SLC43A2: variants seen among roughly 807,000 people sequenced by gnomAD.
SLC43A2 encodes large neutral amino acids transporter small subunit 4.
A neutral mutation model predicts 63.2 loss-of-function variants in SLC43A2; 38 were observed. That is an observed-to-expected ratio of 0.60 (90% CI 0.46 to 0.79). SLC43A2 has a LOEUF of 0.79. Ranked by LOEUF, SLC43A2 falls within the 30% of genes least tolerant of loss-of-function variation. The pLI is 0.00. For synonymous variants in SLC43A2, 322 were observed against 331.0 expected (o/e 0.97, Z 0.30); for missense variants, 644 against 756.2 (o/e 0.85, Z 1.74).
rs951481697 is a variant in SLC43A2 at position 1,578,001 on chromosome 17, GAACT to G, written c.1424+245_1424+248del. Among the ~76,000 whole-genome samples the G allele has an allele frequency of 2.0e-5, 3 of 152,228 alleles. No homozygotes were observed. Among genetic ancestry groups the G allele is most frequent in the African/African-American group, 7.2e-5 (3 of 41,474 alleles). ...CACAGGTGCCTGACCCTGGCTGGGGGAACTGACTTCGTGTTGAATGCCAAGGCTT... is the reference window on the plus strand; with the variant it reads ...CACAGGTGCCTGACCCTGGCTGGGGGGACTTCGTGTTGAATGCCAAGGCTT... On this transcript the variant is annotated intron_variant, in intron 12 of 13. Transcript: ENST00000301335. This position sits in a 1 kb window ranked among gnomAD's most constrained non-coding sequence, Gnocchi z 6.5.
intron 4 of SLC43A2, among the ~76,000 whole-genome samples, chr17:1,614,015 A>G (rs561111391): frequency 1.9e-3 from 289 of 152,154 alleles, no homozygotes; most frequent in Middle Eastern, 3.4e-3. Flanking sequence ...AGGCTGAGGC[A>G]GGTGGATCAC....
At chr17:1,580,031 A>G (rs574626561) in intron 11 of SLC43A2, among the ~76,000 whole-genome samples, 3 of 152,002 alleles carry the variant, frequency 2.0e-5, no homozygotes, top group South Asian at 4.2e-4. Flanking sequence ...GATTCAAGCA[A>G]TTCTCCTGCC....
intron 6 of SLC43A2, 40 bp from the exon 7 acceptor site, chr17:1,591,739 G>GGGGGGGGGGGGGGGGGGGGGGGGC: frequency 2.0e-6 from 1 of 512,310 alleles, no homozygotes; most frequent in Non-Finnish European, 3.9e-6. Flanking sequence ...GGGGGAGGGG[G>GGGGGGGGGGGGGGGGGGGGGGGGC]CAGAGTTAGC....
rs760679172 is a variant in SLC43A2 at position 1,627,895 on chromosome 17, C to G, written c.-21G>C. ...GCCATGGTGCGGCGCGGCGCGGCTC[C>G]GGCTCCGGCTCCGGCTCTGCACCAC... On this transcript the variant is annotated 5_prime_UTR_variant, in exon 2 of 14. Coordinates refer to ENST00000301335, the MANE Select transcript of SLC43A2 (RefSeq NM_152346.3). 3.3e-6 allele frequency: 5 copies of G among 1,532,370 alleles called. 1 individual carries two copies. In the South Asian group the frequency reaches 3.7e-5, roughly 11 times the overall value. The allele number at this position is 1,532,370 out of a possible 1,614,324, so 94.9% of individuals were successfully genotyped here. A position where few individuals can be genotyped will look rare whatever the true frequency, so the allele number is the denominator to read the frequency against.
rs1055204203 is a variant in SLC43A2 at position 1,574,977 on chromosome 17, C to T, written c.*627G>A. On this transcript the variant is annotated 3_prime_UTR_variant, in exon 14 of 14. Transcript: ENST00000301335. ...TCGGGGAGGAGGCGAGGGGTCCACC[C>T]AGCCCGCTAAACCCTCTCCAGGGCA... The T allele has an allele frequency of 1.3e-5, 2 of 154,932 alleles. No homozygotes were observed. Among genetic ancestry groups the T allele is most frequent in the African/African-American group, 4.8e-5 (2 of 41,484 alleles). The allele number at this position is 154,932 out of a possible 1,614,324, so 9.6% of individuals were successfully genotyped here. A position where few individuals can be genotyped will look rare whatever the true frequency, so the allele number is the denominator to read the frequency against.
At chr17:1,594,805 G>A (rs567417382) in intron 5 of SLC43A2, among the ~76,000 whole-genome samples, 32 of 151,586 alleles carry the variant, frequency 2.1e-4, no homozygotes, top group Middle Eastern at 3.4e-3. Context: ...AGCCAGGATG[G>A]TCTGGATCTC....
rs1302285107 is a variant in SLC43A2, at chr17:1,577,869, T to C, written c.1424+381A>G. The stretch of plus-strand genomic sequence containing the variant: ...TGCCCGTGATGAGGGCAACTGGAAC[T>C]TCCGCATTTAGCTTCAGGCAGCCAG... On this transcript the variant is annotated intron_variant, in intron 12 of 13. Transcript: ENST00000301335. The surrounding 1 kb of genome is among the most constrained non-coding windows in gnomAD (Gnocchi z 4.9). 6.6e-6 allele frequency among the ~76,000 whole-genome samples: 1 copy of C among 152,180 alleles called. No individual in the cohort carries two copies. Among genetic ancestry groups the C allele is most frequent in the Non-Finnish European group, 1.5e-5 (1 of 68,026 alleles).
chr17:1,585,944 A>C lies in SLC43A2; in HGVS notation c.1186T>G (p.Ser396Ala). The C allele has an allele frequency of 6.2e-7, 1 of 1,613,644 alleles. No homozygotes were observed. Among genetic ancestry groups the C allele is most frequent in the Non-Finnish European group, 8.5e-7 (1 of 1,180,022 alleles). ...GCGTCTTTCTCCTCGGGCTCCTCGG[A>C]GGCGTCTTCACACTCCTTCAGCCTC... The part of the protein sequence containing the change: ...DWRLKECEDA[S>A]EEPEEKDANQ... Residue 396 changes from serine to alanine, a missense_variant, in exon 10 of 14, where the codon TCC becomes GCC. Coordinates refer to ENST00000301335, the MANE Select transcript of SLC43A2 (RefSeq NM_152346.3).
At chr17:1,581,019 C>T (rs932325144) in intron 11 of SLC43A2, among the ~76,000 whole-genome samples, 31 of 152,100 alleles carry the variant, frequency 2.0e-4, no homozygotes, top group African/African-American at 3.4e-4. Flanking sequence ...TGGCGGACTC[C>T]GCCAACTCCG....
chr17:1,598,278 G>T (rs949263670), intron 5 of SLC43A2, among the ~76,000 whole-genome samples: 1 of 152,110 alleles, frequency 6.6e-6, no homozygotes, highest in African/African-American at 2.4e-5. Context: ...AAAATTAGCT[G>T]GGCGTGGTGG....
chr17:1,608,212 C>CA (rs142645297), intron 5 of SLC43A2, among the ~76,000 whole-genome samples: 26,081 of 151,972 alleles, frequency 0.17, 2,328 homozygotes, highest in South Asian at 0.24. Flanking sequence ...TGCTCTAGAT[C>CA]AAAAAATGAA....
At position 1,627,775 on chromosome 17, in the gene SLC43A2, C is replaced by T. The variant is rs1227347428; in HGVS notation, c.100G>A (p.Gly34Ser). ...GACTTGAGCATGATGAGCAGCGAGC[C>T]CCAGCCCAGGAGGACTGCCGAGAAG... ...LLFSAVLLGWGSLLIMLKSEG... is the reference protein window; with the variant it reads ...LLFSAVLLGWSSLLIMLKSEG... The change falls in exon 2 of 14, where the codon GGC (glycine) becomes AGC (serine). Residue 34 changes from glycine (G) to serine (S), a missense_variant. Physicochemically the swap from Gly to Ser is moderately conservative, Grantham distance 56 (BLOSUM62 0). This residue lies in a region of SLC43A2 where 528 missense variants were observed against 623.6 expected (regional missense o/e 0.85). Transcript: ENST00000301335. 6 of 1,598,946 alleles carry T rather than the reference C, an allele frequency of 3.8e-6. No individual in the cohort carries two copies. The highest frequency in any genetic ancestry group is 2.3e-5 in the South Asian group (2 of 88,578).
intron 5 of SLC43A2, among the ~76,000 whole-genome samples, chr17:1,611,578 T>A (rs1907111390): frequency 1.4e-5 from 2 of 147,678 alleles, no homozygotes; most frequent in African/African-American, 5.0e-5. Flanking sequence ...GAGGTTGCAG[T>A]GAGCCAAGAT....
chr17:1,585,352 G>A lies in SLC43A2; in HGVS notation c.1217+561C>T, dbSNP rs144777891. 545 of 554,594 alleles carry A rather than the reference G, an allele frequency of 9.8e-4. 3 individuals carry two copies. The African/African-American group carries it at 0.01, about 10-fold the overall frequency. 34.4% of individuals were successfully genotyped at this position (554,594 alleles called of 1,614,324 possible). A position where few individuals can be genotyped will look rare whatever the true frequency, so the allele number is the denominator to read the frequency against. On this transcript the variant is annotated intron_variant, in intron 10 of 13. Coordinates refer to ENST00000301335, the MANE Select transcript of SLC43A2 (RefSeq NM_152346.3). ...CACCTCCCGGGTTCAAGCAATTCTC[G>A]CGCCTCAGCCTCCTGAGTAGCTGGG...
In SLC43A2 at chr17:1,583,457, G is replaced by C. The variant is rs560860689; in HGVS notation, c.1218-121C>G. On this transcript the variant is annotated intron_variant, in intron 10 of 13. Coordinates refer to ENST00000301335, the MANE Select transcript of SLC43A2 (RefSeq NM_152346.3). This position sits in a 1 kb window ranked among gnomAD's most constrained non-coding sequence, Gnocchi z 5.5. ...TGACGCAAGACTCAGAAGCCACCCA[G>C]GCACGTTTTAGGGACTGTGTCGGGG... The C allele has an allele frequency of 6.6e-7, 1 of 1,517,574 alleles. No homozygotes were observed. Among genetic ancestry groups the C allele is most frequent in the Non-Finnish European group, 8.8e-7 (1 of 1,132,432 alleles). 94.0% of individuals were successfully genotyped at this position (1,517,574 alleles called of 1,614,324 possible).
intron 5 of SLC43A2, chr17:1,604,685 A>G: frequency 1.3e-6 from 2 of 1,522,232 alleles, no homozygotes; most frequent in Non-Finnish European, 1.8e-6. Flanking sequence ...CCAACTAGAG[A>G]TGGCTTACAT....
intron 5 of SLC43A2, among the ~76,000 whole-genome samples, chr17:1,599,616 G>T (rs769166905): frequency 6.6e-6 from 1 of 151,436 alleles, no homozygotes; most frequent in Non-Finnish European, 1.5e-5. Context: ...CAGCAGAATC[G>T]CTTGAACTTG....
chr17:1,594,799 A>G (rs920687641), intron 5 of SLC43A2, among the ~76,000 whole-genome samples: 33 of 151,694 alleles, frequency 2.2e-4, no homozygotes, highest in East Asian at 5.9e-4. Flanking sequence ...CACGTTAGCC[A>G]GGATGGTCTG....
rs1268636701 is a variant in SLC43A2, at chr17:1,605,293, A to G, written c.501+7902T>C. The G allele has an allele frequency of 1.0e-5, 10 of 966,010 alleles. No homozygotes were observed. The highest frequency in any genetic ancestry group is 1.3e-5 in the Non-Finnish European group (10 of 798,722). The allele number at this position is 966,010 out of a possible 1,614,324, so 59.8% of individuals were successfully genotyped here. A position where few individuals can be genotyped will look rare whatever the true frequency, so the allele number is the denominator to read the frequency against. On this transcript the variant is annotated intron_variant, in intron 5 of 13. Transcript: ENST00000301335. The surrounding 1 kb of genome is among the most constrained non-coding windows in gnomAD (Gnocchi z 4.9). ...AGGCCGGACTGTGTGACCTTCCCAGAGGGGAAAACAGCAGCTGCAGGCGGC... is the reference window on the plus strand; with the variant it reads ...AGGCCGGACTGTGTGACCTTCCCAGGGGGGAAAACAGCAGCTGCAGGCGGC...
Sources: allele counts gnomAD v4.1 joint callset (sites outside exome capture counted in the v4.1 genomes callset), GRCh38; gene constraint gnomAD v4.1.1; regional missense constraint gnomAD v4.1.1; non-coding constraint Gnocchi (gnomAD v3.1); transcripts MANE v1.5; gene names NCBI Gene and HGNC (gene_info 2026-07-23, HGNC 2026-07-21).